The following CTNNA2 variants were observed in gnomAD, a reference collection of about 807,000 sequenced individuals.
CTNNA2 encodes catenin alpha-2.
CTNNA2 carries 42 observed loss-of-function variants against 101.0 expected under a neutral mutation model. The observed-to-expected ratio is 0.42, with a 90% CI of 0.32 to 0.54. The LOEUF (loss-of-function observed/expected upper bound fraction) is 0.54, where lower values mean the gene tolerates loss of function less well. CTNNA2 is among the 20% of genes least tolerant of loss of function. The pLI is 0.14. For synonymous variants in CTNNA2, 450 were observed against 456.4 expected (o/e 0.99, Z 0.18); for missense variants, 871 against 1,223.1 (o/e 0.71, Z 4.29).
intron 7 of CTNNA2, among the ~76,000 whole-genome samples, chr2:80,305,604 G>A (rs1439733045): frequency 6.6e-6 from 1 of 152,088 alleles, no homozygotes; most frequent in African/African-American, 2.4e-5. Flanking sequence ...ACTAAGTTGT[G>A]CCACTTTTTC....
At chr2:80,555,960 C>A in intron 12 of CTNNA2, 67 bp downstream of exon 12, 1 of 1,129,176 alleles carries the variant, frequency 8.9e-7, no homozygotes, top group Non-Finnish European at 1.2e-6. Context: ...CTGAATAAAT[C>A]TGTTTCATTG....
chr2:80,089,240 G>C (rs1406330464), intron 7 of CTNNA2, among the ~76,000 whole-genome samples: 1 of 151,984 alleles, frequency 6.6e-6, no homozygotes, highest in African/African-American at 2.4e-5. Flanking sequence ...TTCTAGAATT[G>C]TGGGAGCAAA....
At chr2:80,446,438 A>G (rs1683078935) in intron 9 of CTNNA2, among the ~76,000 whole-genome samples, 1 of 152,252 alleles carries the variant, frequency 6.6e-6, no homozygotes, top group South Asian at 2.1e-4. Context: ...CAAGTGATAG[A>G]CTATATGCTA....
At chr2:80,626,898 T>C (rs1272424839) in intron 18 of CTNNA2, among the ~76,000 whole-genome samples, 4 of 151,868 alleles carry the variant, frequency 2.6e-5, no homozygotes. Flanking sequence ...CAGTGTGTGA[T>C]GTTCCCTTCC....
At chr2:80,346,099 T>C (rs546665384) in intron 7 of CTNNA2, among the ~76,000 whole-genome samples, 1 of 152,270 alleles carries the variant, frequency 6.6e-6, no homozygotes, top group South Asian at 2.1e-4. Flanking sequence ...GATCTGTTTA[T>C]TTATTTTGTT....
intron 9 of CTNNA2, among the ~76,000 whole-genome samples, chr2:80,424,717 C>T (rs1044310935): frequency 8.5e-5 from 13 of 152,160 alleles, no homozygotes; most frequent in Non-Finnish European, 1.8e-4. Context: ...GATGTGTCAC[C>T]TTATTTGTGA....
At chr2:79,200,956 C>T (rs953429105) in intron 2 of CTNNA2, among the ~76,000 whole-genome samples, 1 of 152,048 alleles carries the variant, frequency 6.6e-6, no homozygotes, top group Admixed American at 6.5e-5. Flanking sequence ...AGAAAAAAAA[C>T]AGATGTCAGA....
chr2:79,444,385 A>G (rs1463896741), intron 4 of CTNNA2, among the ~76,000 whole-genome samples: 1 of 152,138 alleles, frequency 6.6e-6, no homozygotes, highest in Non-Finnish European at 1.5e-5. Context: ...CTGAAGAAAT[A>G]TTTTATATTA....
At chr2:80,473,834 T>A (rs1685506004) in intron 9 of CTNNA2, among the ~76,000 whole-genome samples, 1 of 152,318 alleles carries the variant, frequency 6.6e-6, no homozygotes, top group East Asian at 1.9e-4. Context: ...GACTGGCTGC[T>A]CACAGATGTG....
At chr2:79,968,702 A>G (rs1429661377) in intron 7 of CTNNA2, among the ~76,000 whole-genome samples, 1 of 152,202 alleles carries the variant, frequency 6.6e-6, no homozygotes, top group African/African-American at 2.4e-5. Flanking sequence ...AAATAAAGAT[A>G]TACAAGGAAA....
chr2:80,289,664 A>G (rs1250984402), intron 7 of CTNNA2, among the ~76,000 whole-genome samples: 1 of 152,142 alleles, frequency 6.6e-6, no homozygotes, highest in African/African-American at 2.4e-5. Context: ...TAATCTTCCT[A>G]AAAACCAGCA....
chr2:79,773,318 G>C (rs1673725296), intron 3 of CTNNA2, among the ~76,000 whole-genome samples: 1 of 152,188 alleles, frequency 6.6e-6, no homozygotes, highest in South Asian at 2.1e-4. Context: ...GCACTCCCAT[G>C]ACACTGCCTC....
intron 1 of CTNNA2, chr2:79,185,511 T>A (rs1673766241): frequency 6.6e-6 from 1 of 152,218 alleles, no homozygotes; most frequent in Non-Finnish European, 1.5e-5. Flanking sequence ...GACATTAGAA[T>A]GTCCTGTATT....
intron 4 of CTNNA2, among the ~76,000 whole-genome samples, chr2:79,413,656 T>C (rs953226068): frequency 2.6e-5 from 4 of 152,018 alleles, no homozygotes; most frequent in African/African-American, 9.7e-5. Context: ...AACATAATGA[T>C]TATAGTAATT....
chr2:80,465,828 A>G (rs567625429), intron 9 of CTNNA2, among the ~76,000 whole-genome samples: 4 of 152,274 alleles, frequency 2.6e-5, no homozygotes, highest in South Asian at 2.1e-4. Context: ...CGTAAGCCCA[A>G]GCTTTCACTA....
At chr2:80,128,425 T>A (rs1221903422) in intron 7 of CTNNA2, among the ~76,000 whole-genome samples, 1 of 152,062 alleles carries the variant, frequency 6.6e-6, no homozygotes, top group African/African-American at 2.4e-5. Context: ...CTCAGTCTAG[T>A]CCCTATCCTC....
At chr2:79,750,551 T>G (rs1386395958) in intron 3 of CTNNA2, among the ~76,000 whole-genome samples, 1 of 152,230 alleles carries the variant, frequency 6.6e-6, no homozygotes, top group African/African-American at 2.4e-5. Context: ...GTTTATGAGC[T>G]TATTGTTTAC....
At chr2:79,924,668 A>C (rs1206924743) in intron 7 of CTNNA2, among the ~76,000 whole-genome samples, 1 of 152,142 alleles carries the variant, frequency 6.6e-6, no homozygotes, top group Non-Finnish European at 1.5e-5. Flanking sequence ...GGGTTGAATC[A>C]AGATAAAATG....
At chr2:79,835,409 G>A (rs1272855314) in intron 3 of CTNNA2, among the ~76,000 whole-genome samples, 4 of 152,094 alleles carry the variant, frequency 2.6e-5, no homozygotes, top group East Asian at 1.9e-4. Flanking sequence ...TTTAGTCATC[G>A]TTGAGTCTTC....
Sources: allele counts gnomAD v4.1 joint callset (sites outside exome capture counted in the v4.1 genomes callset), GRCh38; gene constraint gnomAD v4.1.1; transcripts MANE v1.5; gene names NCBI Gene and HGNC (gene_info 2026-07-23, HGNC 2026-07-21).